Variants in AHNAK observed in about 807,000 individuals in gnomAD.
The protein encoded by AHNAK is neuroblast differentiation-associated protein AHNAK.
AHNAK carries 23 observed loss-of-function variants against 37.8 expected under a neutral mutation model. That is an observed-to-expected ratio of 0.61 (90% confidence interval 0.44 to 0.86). The LOEUF is 0.86. Among genes scored for constraint, AHNAK ranks in the 40% least tolerant of loss-of-function variants. The pLI is 0.00. For synonymous variants in AHNAK, 2,481 were observed against 2,636.3 expected, an observed-to-expected ratio of 0.94 and a Z score of 1.80; for missense variants, 7,411 against 7,319.4, an observed-to-expected ratio of 1.01 and a Z score of -0.46.
intron 4 of AHNAK, among the ~76,000 whole-genome samples, chr11:62,495,454 C>T (rs1042297530): frequency 6.6e-6 from 1 of 151,928 alleles, no homozygotes; most frequent in Non-Finnish European, 1.5e-5. Flanking sequence ...AGTAATAGGC[C>T]GGGGACAGTG....
intron 5 of AHNAK, among the ~76,000 whole-genome samples, chr11:62,490,445 T>C (rs1362746748): frequency 6.6e-6 from 1 of 152,084 alleles, no homozygotes; most frequent in East Asian, 1.9e-4. Flanking sequence ...GTGATCCTCC[T>C]GCTCCTCCGC....
chr11:62,460,987 A>ATTTTTT (rs58443970), intron 5 of AHNAK, among the ~76,000 whole-genome samples: 14 of 103,628 alleles, frequency 1.4e-4, no homozygotes, highest in South Asian at 3.4e-4. Context: ...GGCCTGGCTA[A>ATTTTTT]TTTTTTTTTT....
chr11:62,433,998 C>T (rs181693643), intron 5 of AHNAK: 42 of 1,417,994 alleles, frequency 3.0e-5, no homozygotes, highest in Admixed American at 9.8e-5. Context: ...AAGGTCCCCC[C>T]ACTCCTTGCT....
Position 62,532,394 on chromosome 11 carries a change from C to T in AHNAK, c.2023G>A (p.Gly675Ser). 2 of 1,614,172 alleles carry T rather than the reference C, an allele frequency of 1.2e-6. No homozygotes were observed. Among genetic ancestry groups the T allele is most frequent in the Non-Finnish European group, 1.7e-6 (2 of 1,180,042 alleles). ...NVEAPDVNLE[G>S]LGGKLKGPDV... is the part of the protein sequence containing the mutation. ...GGGCCTTTAAGTTTTCCCCCCAGACCCTCCAAGTTGACATCTGGGGCTTCC... is the reference window on the plus strand; with the variant it reads ...GGGCCTTTAAGTTTTCCCCCCAGACTCTCCAAGTTGACATCTGGGGCTTCC... Residue 675 changes from glycine (G) to serine (S), a missense_variant, in exon 5 of 5, where the codon GGT (glycine) becomes AGT (serine). Gly to Ser is a moderately conservative substitution (Grantham distance 56). Coordinates refer to ENST00000378024, the MANE Select transcript of AHNAK (RefSeq NM_001620.3).
chr11:62,443,405 T>A (rs998677263), intron 5 of AHNAK, among the ~76,000 whole-genome samples: 10 of 151,798 alleles, frequency 6.6e-5, no homozygotes, highest in Non-Finnish European at 1.2e-4. Flanking sequence ...CCTGAGTAGC[T>A]AGGATTACAG....
Position 62,522,682 on chromosome 11 carries a change from G to A in AHNAK, c.11735C>T (p.Pro3912Leu). Residue 3912 changes from proline (P) to leucine (L), a missense_variant, in exon 5 of 5, where the codon CCC becomes CTC. Coordinates refer to ENST00000378024, the MANE Select transcript of AHNAK (RefSeq NM_001620.3). The stretch of plus-strand genomic sequence containing the variant: ...ATCTGGGGCATTAATATCCACTTTG[G>A]GGCCTTTAATATCCAAGTCAGGAAC... ...MQVPDLDIKGPKVDINAPDVD... is the reference protein window; with the variant it reads ...MQVPDLDIKGLKVDINAPDVD... 1 of 1,612,960 alleles carries A rather than the reference G, an allele frequency of 6.2e-7. No individual in the cohort carries two copies. Among genetic ancestry groups the A allele is most frequent in the South Asian group, 1.1e-5 (1 of 91,010 alleles).
At chr11:62,509,633 A>G (rs1353136937) in intron 4 of AHNAK, among the ~76,000 whole-genome samples, 2 of 152,004 alleles carry the variant, frequency 1.3e-5, no homozygotes, top group Non-Finnish European at 2.9e-5. Context: ...AAGAGGAAAA[A>G]AAGACATTGT....
rs572069951 is a variant in AHNAK at position 62,520,467 on chromosome 11, T to G, written c.13950A>C (p.Leu4650=). ...TGGGCATTTTCACTTTGGGCATTTT[T>G]AGGTGCCAGTCTGGGCCTTGAACGT... ...DVDVQGPDWH[L]KMPKVKMPKF... is the part of the protein sequence containing the mutation. The change falls in exon 5 of 5, where the codon CTA becomes CTC. Residue 4650 remains leucine, a synonymous_variant. Transcript: ENST00000378024. 4.8e-5 allele frequency: 77 copies of G among 1,611,976 alleles called. No homozygotes were observed. Among genetic ancestry groups the G allele is most frequent in the Admixed American group, 1.7e-4 (10 of 59,846 alleles).
intron 5 of AHNAK, among the ~76,000 whole-genome samples, chr11:62,475,629 G>A (rs1337884957): frequency 1.9e-5 from 2 of 105,896 alleles, no homozygotes; most frequent in Non-Finnish European, 3.6e-5. Context: ...TTTTTAGACA[G>A]AGTCTCACTC....
rs144349353 is a variant in AHNAK at position 62,531,469 on chromosome 11, C to T, written c.2948G>A (p.Ser983Asn). 15 of 1,614,102 alleles carry T rather than the reference C, an allele frequency of 9.3e-6. No homozygotes were observed. The Admixed American group carries it at 1.2e-4, about 13-fold the overall frequency. ...GDLKGPKVDV[S>N]APDVEMQGPD... is the part of the protein sequence containing the mutation. ...ACCCTGCATTTCAACATCTGGGGCA[C>T]TGACATCTACTTTTGGGCCTTTCAG... Residue 983 changes from serine (S) to asparagine (N), a missense_variant, in exon 5 of 5, where the codon AGT becomes AAT. Physicochemically the swap from Ser to Asn is conservative, Grantham distance 46 (BLOSUM62 1). Coordinates refer to ENST00000378024, the MANE Select transcript of AHNAK (RefSeq NM_001620.3).
chr11:62,526,088 G>T lies in AHNAK; in HGVS notation c.8329C>A (p.Pro2777Thr), dbSNP rs1469991738. The T allele has an allele frequency of 1.9e-6, 3 of 1,613,516 alleles. No homozygotes were observed. Among genetic ancestry groups the T allele is most frequent in the South Asian group, 1.1e-5 (1 of 91,042 alleles). ...PKIKMPKISMPGFKGEGPDVD... is the reference protein window; with the variant it reads ...PKIKMPKISMTGFKGEGPDVD... ...TCTGGACCTTCTCCTTTGAAGCCAGGCATGCTGATCTTGGGCATTTTTATC... is the reference window on the plus strand; with the variant it reads ...TCTGGACCTTCTCCTTTGAAGCCAGTCATGCTGATCTTGGGCATTTTTATC... The change falls in exon 5 of 5, where the codon CCT becomes ACT. Residue 2777 changes from proline (P) to threonine (T), a missense_variant. Physicochemically the swap from Pro to Thr is conservative, Grantham distance 38. Transcript: ENST00000378024.
intron 5 of AHNAK, among the ~76,000 whole-genome samples, chr11:62,440,649 T>C (rs2513062): frequency 0.65 from 98,471 of 151,852 alleles, 32,141 homozygotes; most frequent in South Asian, 0.74. Context: ...AAATGATGCT[T>C]ATGCTGCCTG....
At chr11:62,491,886 G>T in intron 4 of AHNAK, 1 of 1,513,316 alleles carries the variant, frequency 6.6e-7, no homozygotes, top group Non-Finnish European at 9.0e-7. Flanking sequence ...CAATCAATGA[G>T]CACTTTTCAA....
chr11:62,471,666 T>C (rs1008147344), intron 5 of AHNAK, among the ~76,000 whole-genome samples: 2 of 152,090 alleles, frequency 1.3e-5, no homozygotes, highest in Admixed American at 6.6e-5. Flanking sequence ...ACTGTACATG[T>C]TGCAAATGGG....
chr11:62,473,664 G>A (rs554960372), intron 5 of AHNAK, among the ~76,000 whole-genome samples: 21 of 140,014 alleles, frequency 1.5e-4, no homozygotes, highest in African/African-American at 5.1e-4. Context: ...CAGCCTGGGC[G>A]ACAGAGCAAG....
At chr11:62,467,593 G>A (rs1302495343) in intron 5 of AHNAK, among the ~76,000 whole-genome samples, 1 of 152,212 alleles carries the variant, frequency 6.6e-6, no homozygotes, top group East Asian at 1.9e-4. Context: ...ACTGAGGCAG[G>A]AGAATTGCTT....
At chr11:62,475,894 C>T (rs113136794) in intron 5 of AHNAK, among the ~76,000 whole-genome samples, 1,539 of 152,172 alleles carry the variant, frequency 0.01, 21 homozygotes, top group African/African-American at 0.035. Context: ...TGTGAGCCAC[C>T]GCCCCCGGCT....
intron 4 of AHNAK, among the ~76,000 whole-genome samples, chr11:62,505,242 C>T (rs963133583): frequency 1.3e-5 from 2 of 152,140 alleles, no homozygotes; most frequent in African/African-American, 4.8e-5. Context: ...CTCTGTGTCC[C>T]ACGCCTCCAA....
intron 5 of AHNAK, among the ~76,000 whole-genome samples, chr11:62,487,265 G>A (rs1392466081): frequency 6.6e-6 from 1 of 152,156 alleles, no homozygotes; most frequent in African/African-American, 2.4e-5. Context: ...CACCATCTAA[G>A]GGATGTTATC....
Sources: gnomAD v4.1 joint callset for allele counts (sites outside exome capture counted in the v4.1 genomes callset) on GRCh38, gnomAD v4.1.1 for gene constraint, MANE v1.5 for transcripts, NCBI Gene and HGNC (gene_info 2026-07-23, HGNC 2026-07-21) for gene names.